ANKDD1B: variants seen among roughly 807,000 people sequenced by gnomAD.
The protein encoded by ANKDD1B is ankyrin repeat and death domain containing 1B.
Under a neutral mutation model 59.7 loss-of-function variants are expected in ANKDD1B, and 57 were observed. The ratio of observed to expected loss-of-function variants is 0.95; its 90% CI spans 0.77 to 1.19. ANKDD1B has a LOEUF of 1.19. Ranked by LOEUF, ANKDD1B falls within the 50% of genes most tolerant of loss-of-function variation. The pLI is 0.00. For missense variants in ANKDD1B, 602 were observed against 641.9 expected (o/e 0.94, Z 0.67); for synonymous variants, 216 against 239.5 (o/e 0.90, Z 0.91).
In ANKDD1B at chr5:75,649,344, A is replaced by G. The variant is rs75510176; in HGVS notation, c.799-3798A>G. 6.1e-3 allele frequency among the ~76,000 whole-genome samples: 918 copies of G among 150,614 alleles called. 8 individuals are homozygous for G. Among genetic ancestry groups the G allele is most frequent in the African/African-American group, 0.022 (873 of 39,938 alleles). Reference sequence around the variant, plus strand: ...GAATTTGAGGGAGGTGAAAAAATGCAACCTACAAATTGTTTATAAATATGA... The same window carrying G: ...GAATTTGAGGGAGGTGAAAAAATGCGACCTACAAATTGTTTATAAATATGA... On this transcript the variant is annotated intron_variant, in intron 7 of 13. Coordinates refer to ENST00000601380, the MANE Select transcript of ANKDD1B (RefSeq NM_001276713.2).
intron 10 of ANKDD1B, among the ~76,000 whole-genome samples, chr5:75,660,308 G>T (rs1775097875): frequency 1.3e-5 from 2 of 152,124 alleles, no homozygotes. Context: ...CTATGAATTT[G>T]ACCACTCTAA....
chr5:75,642,138 TGAGA>T (rs201551693), intron 7 of ANKDD1B, among the ~76,000 whole-genome samples: 1 of 152,126 alleles, frequency 6.6e-6, no homozygotes, highest in Non-Finnish European at 1.5e-5. Flanking sequence ...ACAGGGATTG[TGAGA>T]GAGGAAAATC....
intron 7 of ANKDD1B, among the ~76,000 whole-genome samples, chr5:75,636,700 T>C (rs1475734510): frequency 6.6e-6 from 1 of 152,078 alleles, no homozygotes; most frequent in African/African-American, 2.4e-5. Flanking sequence ...AAACAAGACC[T>C]ATGGAAGGCT....
chr5:75,663,383 T>G lies in ANKDD1B; in HGVS notation c.1096-11T>G. 2 of 1,535,426 alleles carry G rather than the reference T, an allele frequency of 1.3e-6. No individual in the cohort carries two copies. The highest frequency in any genetic ancestry group is 2.4e-5 in the South Asian group (2 of 84,052). On this transcript the variant is annotated splice_polypyrimidine_tract_variant and intron_variant, in intron 10 of 13. Coordinates refer to ENST00000601380, the MANE Select transcript of ANKDD1B (RefSeq NM_001276713.2). ...CATATCACCTGAATTTTTTTTCTTT[T>G]TTAATTTTAGCAAGGAAAGACTGCC...
At chr5:75,633,315 G>A (rs765439578) in intron 5 of ANKDD1B, among the ~76,000 whole-genome samples, 13 of 152,274 alleles carry the variant, frequency 8.5e-5, no homozygotes, top group African/African-American at 2.2e-4. Context: ...ACTTTTTGGT[G>A]CAAATTTGTT....
At position 75,611,676 on chromosome 5, in the gene ANKDD1B, AG is replaced by A; in HGVS notation, c.48del (p.Leu17CysfsTer81). ...GCGCCCGGGGCCAAGGGGCCACGGCAGGGGGGCTGCTGCTCCGGGCTGCTGC... is the reference window on the plus strand; with the variant it reads ...GCGCCCGGGGCCAAGGGGCCACGGCAGGGGGCTGCTGCTCCGGGCTGCTGC... ...GRARGQGATAGGLLLRAAAAA... is the reference protein window; with the variant it reads ...GRARGQGATAXGLLLRAAAAA... On this transcript the variant is annotated frameshift_variant, in exon 1 of 14. Coordinates refer to ENST00000601380, the MANE Select transcript of ANKDD1B (RefSeq NM_001276713.2). LOFTEE classifies it high-confidence loss of function. 8.1e-7 allele frequency: 1 copy of A among 1,231,742 alleles called. No individual in the cohort carries two copies. The highest frequency in any genetic ancestry group is 4.2e-5 in the Admixed American group (1 of 23,718). 76.3% of individuals were successfully genotyped at this position (1,231,742 alleles called of 1,614,324 possible). A position where few individuals can be genotyped will look rare whatever the true frequency, so the allele number is the denominator to read the frequency against.
At chr5:75,661,159 G>C (rs1364737987) in intron 10 of ANKDD1B, among the ~76,000 whole-genome samples, 1 of 151,362 alleles carries the variant, frequency 6.6e-6, no homozygotes, top group African/African-American at 2.4e-5. Context: ...AGCACTTTGG[G>C]AGGCTGAGGC....
chr5:75,669,266 C>T lies in ANKDD1B; in HGVS notation c.1408C>T (p.Arg470Cys), dbSNP rs770161302. The change falls in exon 13 of 14, where the codon CGT becomes TGT. Residue 470 changes from arginine (R) to cysteine (C), a missense_variant. By Grantham distance (180) the Arg-to-Cys change is radical. This residue lies in a region of ANKDD1B where 280 missense variants were observed against 319.8 expected (regional missense o/e 0.88). Transcript: ENST00000601380. ...GCTTGGCACAGGAAATGAAAGCTTC[C>T]GTGAACATGGCCACAGGGCTCTGCT... Reference protein sequence around the residue: ...EEQWSGNESFREHGHRALLIW... With the variant: ...EEQWSGNESFCEHGHRALLIW... 9 of 1,231,956 alleles carry T rather than the reference C, an allele frequency of 7.3e-6. No individual in the cohort carries two copies. In the South Asian group the frequency reaches 2.5e-4, roughly 34 times the overall value. The allele number at this position is 1,231,956 out of a possible 1,614,324, so 76.3% of individuals were successfully genotyped here.
In ANKDD1B at chr5:75,644,891, AAACT is replaced by A. The variant is rs1162980469; in HGVS notation, c.799-8249_799-8246del. 3.8e-3 allele frequency among the ~76,000 whole-genome samples: 388 copies of A among 102,794 alleles called. 4 individuals carry two copies. The highest frequency in any genetic ancestry group is 4.2e-3 in the Non-Finnish European group (249 of 59,428). 67.4% of individuals were successfully genotyped at this position (102,794 alleles called of 152,430 possible). ...AATGTAAAAGAACAGAAATTATAAC[AAACT>A]ATCTCTCAGACCACAGTGCAATCAA... is the stretch of plus-strand genomic sequence containing the variant. On this transcript the variant is annotated intron_variant, in intron 7 of 13. Coordinates refer to ENST00000601380, the MANE Select transcript of ANKDD1B (RefSeq NM_001276713.2).
At chr5:75,636,734 A>G (rs1417179714) in intron 7 of ANKDD1B, among the ~76,000 whole-genome samples, 1 of 152,178 alleles carries the variant, frequency 6.6e-6, no homozygotes, top group African/African-American at 2.4e-5. Flanking sequence ...CTCATGAGCA[A>G]CAAACAGGAT....
At chr5:75,635,741 T>C (rs1774281098) in intron 6 of ANKDD1B, 43 bp from the exon 7 acceptor site, 3 of 1,310,198 alleles carry the variant, frequency 2.3e-6, no homozygotes, top group Non-Finnish European at 3.2e-6. Context: ...GAGCATGCTC[T>C]CCTGGCACAG....
chr5:75,635,065 A>G (rs902122158), intron 6 of ANKDD1B, 69 bp downstream of exon 6: 61 of 1,007,798 alleles, frequency 6.1e-5, no homozygotes, highest in Middle Eastern at 2.0e-4. Flanking sequence ...TAGAGGGGTA[A>G]CAATTGGCAT....
At chr5:75,641,018 G>A (rs1442715182) in intron 7 of ANKDD1B, among the ~76,000 whole-genome samples, 1 of 152,050 alleles carries the variant, frequency 6.6e-6, no homozygotes, top group Non-Finnish European at 1.5e-5. Flanking sequence ...TGCACGCTTG[G>A]CTTATACAGA....
intron 7 of ANKDD1B, among the ~76,000 whole-genome samples, chr5:75,636,499 T>G (rs1774308338): frequency 6.6e-6 from 1 of 152,180 alleles, no homozygotes; most frequent in African/African-American, 2.4e-5. Context: ...TGAAAGGCCA[T>G]GCTTTACAAG....
chr5:75,651,444 C>G (rs77344353), intron 7 of ANKDD1B, among the ~76,000 whole-genome samples: 4 of 152,154 alleles, frequency 2.6e-5, no homozygotes, highest in Non-Finnish European at 5.9e-5. Context: ...GCAGTGTGCC[C>G]GACTCCTTGG....
chr5:75,614,560 C>A (rs966846468), intron 1 of ANKDD1B, among the ~76,000 whole-genome samples: 1 of 152,150 alleles, frequency 6.6e-6, no homozygotes, highest in Non-Finnish European at 1.5e-5. Context: ...GAGGTACCAC[C>A]ATCTTGTAAC....
At chr5:75,669,545 C>T (rs1372084103) in intron 13 of ANKDD1B, among the ~76,000 whole-genome samples, 162 bp downstream of exon 13, 1 of 152,188 alleles carries the variant, frequency 6.6e-6, no homozygotes, top group Admixed American at 6.5e-5. Context: ...TCAGCAGCTT[C>T]TCCTTTGGGG....
chr5:75,654,429 T>G (rs1028011425), intron 8 of ANKDD1B, among the ~76,000 whole-genome samples: 4 of 152,210 alleles, frequency 2.6e-5, no homozygotes, highest in African/African-American at 7.2e-5. Flanking sequence ...GTTATTGACG[T>G]GATTTTTGAA....
At chr5:75,636,889 T>C (rs2112981271) in intron 7 of ANKDD1B, among the ~76,000 whole-genome samples, 1 of 151,996 alleles carries the variant, frequency 6.6e-6, no homozygotes, top group African/African-American at 2.4e-5. Flanking sequence ...AATGAGGGCT[T>C]GAATGGGTTT....
Sources: gnomAD v4.1 joint callset for allele counts (sites outside exome capture counted in the v4.1 genomes callset) on GRCh38, gnomAD v4.1.1 for gene constraint, gnomAD v4.1.1 regional missense constraint, MANE v1.5 for transcripts, NCBI Gene and HGNC (gene_info 2026-07-23, HGNC 2026-07-21) for gene names.